Variants in APBA2 observed in about 807,000 individuals in gnomAD.
APBA2 encodes the protein amyloid-beta A4 precursor protein-binding family A member 2.
Under a neutral mutation model 75.0 loss-of-function variants are expected in APBA2, and 30 were observed. The observed-to-expected ratio is 0.40, with a 90% CI of 0.30 to 0.54. The LOEUF (loss-of-function observed/expected upper bound fraction) is 0.54, where lower values mean the gene tolerates loss of function less well. Ranked by LOEUF, APBA2 falls within the 20% of genes least tolerant of loss-of-function variation. The probability of loss-of-function intolerance (pLI) is 0.49; values close to 1 mark genes in which losing one functional copy is unlikely to be tolerated. For missense variants in APBA2, 801 were observed against 1,016.1 expected (o/e 0.79, Z 2.88); for synonymous variants, 444 against 409.6 (o/e 1.08, Z -1.01).
chr15:29,056,661 C>G (rs952752244), intron 4 of APBA2, among the ~76,000 whole-genome samples: 1 of 118,414 alleles, frequency 8.4e-6, no homozygotes, highest in Non-Finnish European at 1.7e-5. Context: ...CTCTCTCTCT[C>G]TCTTTCTTTC....
At chr15:28,903,110 G>T (rs545974492) in intron 1 of APBA2, among the ~76,000 whole-genome samples, 1 of 152,060 alleles carries the variant, frequency 6.6e-6, no homozygotes, top group Admixed American at 6.5e-5. Context: ...CTGTGGTGCC[G>T]GCCAGGTTCC....
intron 2 of APBA2, among the ~76,000 whole-genome samples, chr15:28,975,131 G>C (rs969583119): frequency 6.6e-6 from 1 of 151,998 alleles, no homozygotes; most frequent in African/African-American, 2.4e-5. Flanking sequence ...TAAGTGTGAA[G>C]ACCTGGATAG....
At position 28,991,987 on chromosome 15, in the gene APBA2, T is replaced by G. The variant is rs149478245; in HGVS notation, c.-94-3766T>G. 6.6e-6 allele frequency among the ~76,000 whole-genome samples: 1 copy of G among 152,226 alleles called. No homozygotes were observed. Among genetic ancestry groups the G allele is most frequent in the African/African-American group, 2.4e-5 (1 of 41,532 alleles). On this transcript the variant is annotated intron_variant, in intron 2 of 14. Transcript: ENST00000683413. The surrounding 1 kb of genome is among the most constrained non-coding windows in gnomAD (Gnocchi z 4.7). Reference sequence around the variant, plus strand: ...CTGGGGCCAGCTAGAGGAAGGAGTGTGATTGTGCCTTCCCGGGACAGCTTC... The same window carrying G: ...CTGGGGCCAGCTAGAGGAAGGAGTGGGATTGTGCCTTCCCGGGACAGCTTC...
intron 10 of APBA2, chr15:29,102,784 C>T (rs1567014674): frequency 6.6e-6 from 1 of 152,038 alleles, no homozygotes; most frequent in Non-Finnish European, 1.5e-5. Context: ...ATCTATCCTT[C>T]AGGGGCAGTT....
chr15:29,045,601 T>C (rs2041284615), intron 3 of APBA2, among the ~76,000 whole-genome samples: 1 of 152,136 alleles, frequency 6.6e-6, no homozygotes, highest in African/African-American at 2.4e-5. Flanking sequence ...ATGATACCTA[T>C]GGAGAGCTTG....
intron 3 of APBA2, among the ~76,000 whole-genome samples, chr15:29,012,002 T>A (rs900227638): frequency 1.3e-5 from 2 of 152,238 alleles, no homozygotes; most frequent in Non-Finnish European, 2.9e-5. Context: ...AGAATAGTTT[T>A]AGATTCACAG....
intron 4 of APBA2, chr15:29,071,037 A>G (rs1267438386): frequency 2.2e-6 from 1 of 456,546 alleles, no homozygotes; most frequent in Non-Finnish European, 4.4e-6. Context: ...AGCTCCTGAC[A>G]TGGCTGTCAT....
intron 3 of APBA2, among the ~76,000 whole-genome samples, chr15:29,048,067 G>A (rs1329884838): frequency 1.3e-5 from 2 of 152,174 alleles, no homozygotes; most frequent in African/African-American, 4.8e-5. Flanking sequence ...AATTTCTGAG[G>A]CCGGGGCACG....
At chr15:29,037,210 G>A (rs1487678962) in intron 3 of APBA2, among the ~76,000 whole-genome samples, 3 of 152,076 alleles carry the variant, frequency 2.0e-5, no homozygotes, top group Non-Finnish European at 4.4e-5. Flanking sequence ...TTATCCAGTG[G>A]AGTTTAATTT....
intron 2 of APBA2, among the ~76,000 whole-genome samples, chr15:28,953,451 T>C (rs552958240): frequency 8.6e-5 from 13 of 151,694 alleles, no homozygotes; most frequent in African/African-American, 3.1e-4. Flanking sequence ...CTGTGCTTTG[T>C]TTTGCTGTAG....
chr15:28,936,832 G>T (rs536732984), intron 2 of APBA2, among the ~76,000 whole-genome samples: 3 of 152,160 alleles, frequency 2.0e-5, no homozygotes, highest in Non-Finnish European at 4.4e-5. Context: ...TGGGAGGCAG[G>T]GGCCCTGCTG....
chr15:29,096,416 C>T (rs2043853833), intron 8 of APBA2, among the ~76,000 whole-genome samples: 1 of 152,238 alleles, frequency 6.6e-6, no homozygotes, highest in African/African-American at 2.4e-5. Flanking sequence ...TGCCAAGGTC[C>T]ACCTGCAACT....
chr15:28,905,410 G>C (rs1162751497), intron 1 of APBA2, among the ~76,000 whole-genome samples: 8 of 152,154 alleles, frequency 5.3e-5, no homozygotes, highest in Non-Finnish European at 1.5e-5. Context: ...GGGAACTTCT[G>C]GTGAATTTTA....
In APBA2 at chr15:29,054,752, G is replaced by A; in HGVS notation, c.868G>A (p.Ala290Thr). 4 of 1,609,558 alleles carry A rather than the reference G, an allele frequency of 2.5e-6. No homozygotes were observed. The highest frequency in any genetic ancestry group is 1.1e-5 in the South Asian group (1 of 91,064). The change falls in exon 4 of 15, where the codon GCC becomes ACC. Residue 290 changes from alanine (A) to threonine (T), a missense_variant. Transcript: ENST00000683413. The surrounding 1 kb of genome is among the most constrained non-coding windows in gnomAD (Gnocchi z 6.1). The part of the protein sequence containing the change: ...RPKSLNLLPE[A>T]KHPGDPQRGF... Reference sequence around the variant, plus strand: ...CAAGTCGCTGAACCTCCTTCCCGAGGCCAAGCACCCCGGAGACCCCCAGAG... The same window carrying A: ...CAAGTCGCTGAACCTCCTTCCCGAGACCAAGCACCCCGGAGACCCCCAGAG...
At chr15:29,035,791 A>C (rs953417859) in intron 3 of APBA2, among the ~76,000 whole-genome samples, 1 of 152,164 alleles carries the variant, frequency 6.6e-6, no homozygotes, top group African/African-American at 2.4e-5. Context: ...CTGCTGAGCC[A>C]GAAGCTCTAG....
intron 6 of APBA2, among the ~76,000 whole-genome samples, chr15:29,078,342 G>T (rs2042938030): frequency 6.6e-6 from 1 of 151,838 alleles, no homozygotes; most frequent in African/African-American, 2.4e-5. Flanking sequence ...GCCAGGCACG[G>T]TGGCTCATGC....
chr15:29,105,520 G>A lies in APBA2; in HGVS notation c.1666G>A (p.Asp556Asn). 1.9e-6 allele frequency: 3 copies of A among 1,613,704 alleles called. No homozygotes were observed. The highest frequency in any genetic ancestry group is 1.7e-6 in the Non-Finnish European group (2 of 1,180,022). ...IINTQEMYND[D>N]LIHFSNSENC... is the part of the protein sequence containing the mutation. ...CAACACCCAGGAGATGTACAACGAC[G>A]ACCTCATCCACTTCTCAAACTCGGA... Residue 556 changes from aspartate (D) to asparagine (N), a missense_variant, in exon 11 of 15, where the codon GAC becomes AAC. This residue lies in a region of APBA2 where 367 missense variants were observed against 544.5 expected (regional missense o/e 0.67). Transcript: ENST00000683413.
intron 10 of APBA2, among the ~76,000 whole-genome samples, chr15:29,104,030 GGGAGGGCAGTTCCACGCCTGCT>G (rs2044273265): frequency 1.3e-5 from 2 of 152,368 alleles, no homozygotes; most frequent in African/African-American, 4.8e-5. Context: ...GGGCCCGTCA[GGGAGGGCAGTTCCACGCCTGCT>G]GGAGGGCAGG....
rs72714176 is a variant in APBA2 at position 28,937,973 on chromosome 15, C to T, written c.-95+16224C>T. On this transcript the variant is annotated intron_variant, in intron 2 of 14. Transcript: ENST00000683413. ...CGCCTGGCCCCCTTCTGGAGTATTT[C>T]GTTCATTAGAAGTAAGTCAGGGACT... Among the ~76,000 whole-genome samples, 132 of 152,212 alleles carry T rather than the reference C, an allele frequency of 8.7e-4. 1 individual carries two copies. Among genetic ancestry groups the T allele is most frequent in the Admixed American group, 4.7e-3 (72 of 15,294 alleles).
Sources: allele counts gnomAD v4.1 joint callset (sites outside exome capture counted in the v4.1 genomes callset), GRCh38; gene constraint gnomAD v4.1.1; regional missense constraint gnomAD v4.1.1; non-coding constraint Gnocchi (gnomAD v3.1); transcripts MANE v1.5; gene names NCBI Gene and HGNC (gene_info 2026-07-23, HGNC 2026-07-21).